Variants in UBOX5 observed in about 807,000 individuals in gnomAD.
The protein encoded by UBOX5 is U-box domain containing 5.
A neutral mutation model predicts 39.0 loss-of-function variants in UBOX5; 28 were observed. The observed-to-expected ratio is 0.72, with a 90% CI of 0.53 to 0.98. UBOX5 has a LOEUF of 0.98. Among genes scored for constraint, UBOX5 ranks in the 50% least tolerant of loss-of-function variants. UBOX5 has a pLI of 0.00. For missense variants in UBOX5, 585 were observed against 674.4 expected (o/e 0.87, Z 1.47); for synonymous variants, 283 against 275.5 (o/e 1.03, Z -0.27).
intron 1 of UBOX5, among the ~76,000 whole-genome samples, chr20:3,126,486 A>G (rs2066389254): frequency 6.6e-6 from 1 of 150,942 alleles, no homozygotes; most frequent in African/African-American, 2.4e-5. Context: ...TCTCCGAGAA[A>G]CACCCAAGAA....
Position 3,122,287 on chromosome 20 carries a change from C to G in UBOX5, c.352G>C (p.Val118Leu). 1 of 1,614,210 alleles carries G rather than the reference C, an allele frequency of 6.2e-7. No homozygotes were observed. Among genetic ancestry groups the G allele is most frequent in the South Asian group, 1.1e-5 (1 of 91,088 alleles). Residue 118 changes from valine to leucine, a missense_variant, in exon 3 of 5, where the codon GTA becomes CTA. Transcript: ENST00000217173. ...SVPDKEAFTLVGKVLLKNQSQ... is the reference protein window; with the variant it reads ...SVPDKEAFTLLGKVLLKNQSQ... Reference sequence around the variant, plus strand: ...TGGTTTTTCAGTAAGACTTTGCCTACCAAGGTGAACGCCTCCTTGTCTGGG... The same window carrying G: ...TGGTTTTTCAGTAAGACTTTGCCTAGCAAGGTGAACGCCTCCTTGTCTGGG...
chr20:3,115,641 A>G (rs2066288120), intron 3 of UBOX5, among the ~76,000 whole-genome samples, 175 bp from the exon 4 acceptor site: 1 of 152,076 alleles, frequency 6.6e-6, no homozygotes. Flanking sequence ...GTAAAGCCCT[A>G]GGAACACCGG....
At chr20:3,126,461 C>T (rs1462836130) in intron 1 of UBOX5, among the ~76,000 whole-genome samples, 9 of 149,922 alleles carry the variant, frequency 6.0e-5, no homozygotes, top group African/African-American at 9.8e-5. Flanking sequence ...ATCCTATGAC[C>T]CTGCCACATC....
chr20:3,115,639 C>T (rs1376158296), intron 3 of UBOX5, among the ~76,000 whole-genome samples, 173 bp from the exon 4 acceptor site: 5 of 152,142 alleles, frequency 3.3e-5, no homozygotes, highest in Non-Finnish European at 7.4e-5. Context: ...AGGTAAAGCC[C>T]TAGGAACACC....
Position 3,145,524 on chromosome 20 carries a change from CA to C in UBOX5, c.-42+14241del, listed in dbSNP as rs2066553654. Among the ~76,000 whole-genome samples, 3 of 151,284 alleles carry C rather than the reference CA, an allele frequency of 2.0e-5. No homozygotes were observed. In the South Asian group the frequency reaches 6.3e-4, roughly 32 times the overall value. On this transcript the variant is annotated intron_variant, in intron 1 of 4. Transcript: ENST00000217173. The stretch of plus-strand genomic sequence containing the variant: ...GTGTCATCTCAGCTCACTGCAGCCT[CA>C]ACCTCCCAGGCTCAACAGATCCTCC...
intron 1 of UBOX5, among the ~76,000 whole-genome samples, chr20:3,132,148 A>T (rs1294228109): frequency 5.3e-5 from 8 of 151,882 alleles, no homozygotes; most frequent in Admixed American, 2.0e-4. Flanking sequence ...CGATGCTACT[A>T]AAAATACAAA....
chr20:3,154,032 T>C (rs745854474), intron 1 of UBOX5, among the ~76,000 whole-genome samples: 1 of 152,166 alleles, frequency 6.6e-6, no homozygotes, highest in Non-Finnish European at 1.5e-5. Context: ...GAAATCTACA[T>C]GAGGCAAAGA....
At chr20:3,113,344 A>C (rs576785700) in intron 4 of UBOX5, among the ~76,000 whole-genome samples, 1 of 151,460 alleles carries the variant, frequency 6.6e-6, no homozygotes, top group East Asian at 1.9e-4. Context: ...GCTTCAGATA[A>C]GACTGCAGAG....
chr20:3,131,907 C>G (rs2066431566), intron 1 of UBOX5, among the ~76,000 whole-genome samples: 1 of 149,618 alleles, frequency 6.7e-6, no homozygotes, highest in South Asian at 2.1e-4. Context: ...ACTGGGGAGG[C>G]TGAGGCAGGA....
At chr20:3,157,737 GCA>G (rs2066701289) in intron 1 of UBOX5, among the ~76,000 whole-genome samples, 1 of 152,206 alleles carries the variant, frequency 6.6e-6, no homozygotes, top group African/African-American at 2.4e-5. Flanking sequence ...GTAGCTGCAT[GCA>G]CACAGTCGTC....
Position 3,109,476 on chromosome 20 carries a change from T to C in UBOX5, c.*630A>G, listed in dbSNP as rs2066235934. ...AAATTCCAGTTTGTGTCCTTTCAGG[T>C]CATCGACAGGAATGACAGCCTGGCA... is the stretch of plus-strand genomic sequence containing the variant. On this transcript the variant is annotated 3_prime_UTR_variant, in exon 5 of 5. Transcript: ENST00000217173. The C allele has an allele frequency of 1.9e-5, 3 of 154,304 alleles. No homozygotes were observed. Among genetic ancestry groups the C allele is most frequent in the Admixed American group, 6.4e-5 (1 of 15,628 alleles). The allele number at this position is 154,304 out of a possible 1,614,324, so 9.6% of individuals were successfully genotyped here.
chr20:3,120,134 GT>G (rs2066322692), intron 3 of UBOX5, among the ~76,000 whole-genome samples: 1 of 152,088 alleles, frequency 6.6e-6, no homozygotes, highest in South Asian at 2.1e-4. Flanking sequence ...GGATCACGAG[GT>G]TAACAGGTTG....
At chr20:3,115,496 CAG>C (rs1271622625) in intron 3 of UBOX5, 30 bp from the exon 4 acceptor site, 1 of 1,577,940 alleles carries the variant, frequency 6.3e-7, no homozygotes, top group East Asian at 2.3e-5. Flanking sequence ...GCACAACATC[CAG>C]AGACAGGCTC....
Position 3,115,415 on chromosome 20 carries a change from GCCAAGGCAATTT to G in UBOX5, c.1295_1306del (p.Glu432_Leu435del), listed in dbSNP as rs2066286134. ...GGAGGGCATAGAGCCAAGGGTGGAT[GCCAAGGCAATTT>G]CCAAGCTTTGTGACAGCTTCTGCTC... On this transcript the variant is annotated inframe_deletion, in exon 4 of 5. Coordinates refer to ENST00000217173, the MANE Select transcript of UBOX5 (RefSeq NM_014948.4). 1.1e-5 allele frequency: 18 copies of G among 1,614,140 alleles called. No homozygotes were observed. Among genetic ancestry groups the G allele is most frequent in the Middle Eastern group, 1.6e-4 (1 of 6,062 alleles).
rs140494110 is a variant in UBOX5, at chr20:3,137,070, C to T, written c.-41-13664G>A. ...TCAAGCAATTTTTGTGCCTCAGCCT[C>T]CCAAGTAGGTAGGACTACAGGCATG... On this transcript the variant is annotated intron_variant, in intron 1 of 4. Coordinates refer to ENST00000217173, the MANE Select transcript of UBOX5 (RefSeq NM_014948.4). 4.6e-3 allele frequency among the ~76,000 whole-genome samples: 707 copies of T among 152,204 alleles called. 1 individual carries two copies. The highest frequency in any genetic ancestry group is 7.0e-3 in the Non-Finnish European group (477 of 68,002).
rs953430269 is a variant in UBOX5, at chr20:3,143,940, A to G, written c.-42+15826T>C. On this transcript the variant is annotated intron_variant, in intron 1 of 4. Transcript: ENST00000217173. Reference sequence around the variant, plus strand: ...ATCATTGCACTCCAGCCTGGGTGACAGAGCGAGACCCTATATCAAACAAAA... The same window carrying G: ...ATCATTGCACTCCAGCCTGGGTGACGGAGCGAGACCCTATATCAAACAAAA... Among the ~76,000 whole-genome samples, 9 of 152,240 alleles carry G rather than the reference A, an allele frequency of 5.9e-5. No individual in the cohort carries two copies. The East Asian group carries it at 1.7e-3, about 29-fold the overall frequency.
At chr20:3,130,211 G>A (rs975292931) in intron 1 of UBOX5, among the ~76,000 whole-genome samples, 2 of 149,238 alleles carry the variant, frequency 1.3e-5, no homozygotes, top group Non-Finnish European at 3.0e-5. Flanking sequence ...GTGACAGAGT[G>A]AGACCCTGTC....
chr20:3,113,185 G>A (rs2066267022), intron 4 of UBOX5, among the ~76,000 whole-genome samples: 1 of 151,808 alleles, frequency 6.6e-6, no homozygotes, highest in Non-Finnish European at 1.5e-5. Flanking sequence ...TACTAGTGGG[G>A]GCTGAGACAG....
chr20:3,122,075 G>C lies in UBOX5; in HGVS notation c.564C>G (p.Ile188Met). The stretch of plus-strand genomic sequence containing the variant: ...GCTGACCCCACACTTCCAACCGCTT[G>C]ATACAAGGGATACCGCCGCCTGTCA... Reference protein sequence around the residue: ...THVTGGGIPCIKRLEVWGQPA... With the variant: ...THVTGGGIPCMKRLEVWGQPA... The change falls in exon 3 of 5, where the codon ATC becomes ATG. Residue 188 changes from isoleucine (I) to methionine (M), a missense_variant. Transcript: ENST00000217173. The C allele has an allele frequency of 6.2e-7, 1 of 1,614,232 alleles. No homozygotes were observed. The highest frequency in any genetic ancestry group is 8.5e-7 in the Non-Finnish European group (1 of 1,180,044).
Sources: gnomAD v4.1 joint callset for allele counts (sites outside exome capture counted in the v4.1 genomes callset) on GRCh38, gnomAD v4.1.1 for gene constraint, MANE v1.5 for transcripts, NCBI Gene and HGNC (gene_info 2026-07-23, HGNC 2026-07-21) for gene names.